Variants in TRIB1 observed in about 807,000 individuals in gnomAD.
TRIB1 encodes tribbles homolog 1.
TRIB1 carries 12 observed loss-of-function variants against 27.8 expected under a neutral mutation model. The ratio of observed to expected loss-of-function variants is 0.43; its 90% CI spans 0.28 to 0.70. The LOEUF is 0.70. TRIB1 is among the 30% of genes least tolerant of loss of function. TRIB1 has a pLI of 0.18. For synonymous variants in TRIB1, 230 were observed against 224.9 expected (o/e 1.02, Z -0.20); for missense variants, 475 against 515.8 (o/e 0.92, Z 0.77).
Position 125,437,726 on chromosome 8 carries a change from G to A in TRIB1, c.*1255G>A, listed in dbSNP as rs72647347. 4 of 152,232 alleles carry A rather than the reference G, an allele frequency of 2.6e-5. No homozygotes were observed. Among genetic ancestry groups the A allele is most frequent in the Non-Finnish European group, 5.9e-5 (4 of 68,026 alleles). The allele number at this position is 152,232 out of a possible 1,614,324, so 9.4% of individuals were successfully genotyped here. A position where few individuals can be genotyped will look rare whatever the true frequency, so the allele number is the denominator to read the frequency against. ...CCCCTCTTCAGCTTCTTTTGTAGGT[G>A]GGAATCCAGCCTCTGTTAGATATGT... On this transcript the variant is annotated 3_prime_UTR_variant, in exon 3 of 3. Coordinates refer to ENST00000311922, the MANE Select transcript of TRIB1 (RefSeq NM_025195.4).
Position 125,437,029 on chromosome 8 carries a change from G to GT in TRIB1, c.*562dup, listed in dbSNP as rs1284465565. The GT allele has an allele frequency of 6.2e-6, 1 of 161,776 alleles. No homozygotes were observed. Among genetic ancestry groups the GT allele is most frequent in the Admixed American group, 5.9e-5 (1 of 16,904 alleles). 10.0% of individuals were successfully genotyped at this position (161,776 alleles called of 1,614,324 possible). A position where few individuals can be genotyped will look rare whatever the true frequency, so the allele number is the denominator to read the frequency against. On this transcript the variant is annotated 3_prime_UTR_variant, in exon 3 of 3. Transcript: ENST00000311922. ...CTCTGCTCCGTTTTTGGAGCAGACT[G>GT]TTTTAAGTTGCTCAGGAGCCTGATG...
At chr8:125,434,501 A>C (rs1172905773) in intron 2 of TRIB1, among the ~76,000 whole-genome samples, 2 of 152,240 alleles carry the variant, frequency 1.3e-5, no homozygotes, top group Non-Finnish European at 2.9e-5. Context: ...GTCATAAAGC[A>C]TGACTTTGTA....
In TRIB1 at chr8:125,430,645, G is replaced by A. The variant is rs998886566; in HGVS notation, c.-258G>A. Reference sequence around the variant, plus strand: ...TGGCGGCCGCCCCCAGCGAGGCTCCGGGAGCCCTTGCCTGCGGGGGTCCGG... The same window carrying A: ...TGGCGGCCGCCCCCAGCGAGGCTCCAGGAGCCCTTGCCTGCGGGGGTCCGG... On this transcript the variant is annotated 5_prime_UTR_variant, in exon 1 of 3. Coordinates refer to ENST00000311922, the MANE Select transcript of TRIB1 (RefSeq NM_025195.4). The A allele has an allele frequency of 1.0e-5, 4 of 384,944 alleles. No individual in the cohort carries two copies. The highest frequency in any genetic ancestry group is 1.8e-5 in the Non-Finnish European group (4 of 218,004). The allele number at this position is 384,944 out of a possible 1,614,324, so 23.8% of individuals were successfully genotyped here.
chr8:125,430,690 C>A lies in TRIB1; in HGVS notation c.-213C>A, dbSNP rs1358511996. On this transcript the variant is annotated 5_prime_UTR_variant, in exon 1 of 3. Coordinates refer to ENST00000311922, the MANE Select transcript of TRIB1 (RefSeq NM_025195.4). ...GTCCGGGGACTCGAGCCGGCCTCCG[C>A]CTCCCGGACGCACAGCCAGCGTGGT... The A allele has an allele frequency of 1.8e-6, 1 of 555,920 alleles. No individual in the cohort carries two copies. The allele number at this position is 555,920 out of a possible 1,614,324, so 34.4% of individuals were successfully genotyped here. A position where few individuals can be genotyped will look rare whatever the true frequency, so the allele number is the denominator to read the frequency against.
chr8:125,432,132 A>T, intron 1 of TRIB1: 2 of 495,014 alleles, frequency 4.0e-6, no homozygotes, highest in Non-Finnish European at 5.2e-6. Flanking sequence ...CCCCCCAGTT[A>T]AGTCGCTTCT....
intron 2 of TRIB1, among the ~76,000 whole-genome samples, chr8:125,434,050 C>G (rs543202013): frequency 6.6e-6 from 1 of 152,210 alleles, no homozygotes; most frequent in Non-Finnish European, 1.5e-5. Flanking sequence ...GAATTCCACC[C>G]TCTTGTTTCA....
rs1814643375 is a variant in TRIB1 at position 125,430,938 on chromosome 8, C to T, written c.36C>T (p.Gly12=). The change falls in exon 1 of 3, where the codon GGC becomes GGT. Residue 12 remains glycine (G), a synonymous_variant. Transcript: ENST00000311922. ...RVGPVRSAMS[G]ASQPRGPALL... is the part of the protein sequence containing the mutation. ...GTCCGGTGCGCTCTGCCATGAGCGG[C>T]GCCTCGCAGCCCCGCGGCCCGGCCC... 1.4e-6 allele frequency: 2 copies of T among 1,469,900 alleles called. No homozygotes were observed. Among genetic ancestry groups the T allele is most frequent in the South Asian group, 1.3e-5 (1 of 76,252 alleles). The allele number at this position is 1,469,900 out of a possible 1,614,324, so 91.1% of individuals were successfully genotyped here.
Position 125,436,618 on chromosome 8 carries a change from G to A in TRIB1, c.*147G>A. ...CTCGGCATGGCGCCTCCTCTTCTCT[G>A]TTGGGATGAGTGACTTTATTGATTT... On this transcript the variant is annotated 3_prime_UTR_variant, in exon 3 of 3. Transcript: ENST00000311922. 1.4e-6 allele frequency: 1 copy of A among 722,982 alleles called. No individual in the cohort carries two copies. Among genetic ancestry groups the A allele is most frequent in the Non-Finnish European group, 2.2e-6 (1 of 444,962 alleles). The allele number at this position is 722,982 out of a possible 1,614,324, so 44.8% of individuals were successfully genotyped here.
rs1563823407 is a variant in TRIB1, at chr8:125,431,044, C to T, written c.142C>T (p.Pro48Ser). The change falls in exon 1 of 3, where the codon CCG becomes TCG. Residue 48 changes from proline (P) to serine (S), a missense_variant. Physicochemically the swap from Pro to Ser is moderately conservative, Grantham distance 74. Transcript: ENST00000311922. ...CGCGGCGGCTGTGGCGGCCAAGTGCCCGCGCCTCTCCGAGTGCTCCAGCCC... is the reference window on the plus strand; with the variant it reads ...CGCGGCGGCTGTGGCGGCCAAGTGCTCGCGCCTCTCCGAGTGCTCCAGCCC... ...DDAAAVAAKC[P>S]RLSECSSPPD... 7 of 1,455,226 alleles carry T rather than the reference C, an allele frequency of 4.8e-6. No homozygotes were observed. The highest frequency in any genetic ancestry group is 1.5e-5 in the African/African-American group (1 of 67,664). 90.1% of individuals were successfully genotyped at this position (1,455,226 alleles called of 1,614,324 possible). A position where few individuals can be genotyped will look rare whatever the true frequency, so the allele number is the denominator to read the frequency against.
Position 125,431,036 on chromosome 8 carries a change from C to T in TRIB1, c.134C>T (p.Ala45Val). The T allele has an allele frequency of 2.1e-6, 3 of 1,458,116 alleles. No homozygotes were observed. The highest frequency in any genetic ancestry group is 1.3e-5 in the South Asian group (1 of 75,164). 90.3% of individuals were successfully genotyped at this position (1,458,116 alleles called of 1,614,324 possible). The change falls in exon 1 of 3, where the codon GCC becomes GTC. Residue 45 changes from alanine (A) to valine (V), a missense_variant. Physicochemically the swap from Ala to Val is moderately conservative, Grantham distance 64. Coordinates refer to ENST00000311922, the MANE Select transcript of TRIB1 (RefSeq NM_025195.4). ...LDADDAAAVA[A>V]KCPRLSECSS... is the part of the protein sequence containing the mutation. ...GCCGACGACGCGGCGGCTGTGGCGG[C>T]CAAGTGCCCGCGCCTCTCCGAGTGC... is the stretch of plus-strand genomic sequence containing the variant.
Position 125,435,988 on chromosome 8 carries a change from G to C in TRIB1, c.654-18G>C, listed in dbSNP as rs188401831. 4 of 1,579,310 alleles carry C rather than the reference G, an allele frequency of 2.5e-6. No individual in the cohort carries two copies. In the South Asian group the frequency reaches 4.6e-5, roughly 18 times the overall value. The stretch of plus-strand genomic sequence containing the variant: ...GCAGCTGGTGTGGAAATAATGGCTT[G>C]GTTCCTCTCTCTTGCAGAACCCAGC... On this transcript the variant is annotated intron_variant, in intron 2 of 2. Transcript: ENST00000311922.
In TRIB1 at chr8:125,438,094, GTGTC is replaced by G. The variant is rs1406205627; in HGVS notation, c.*1630_*1633del. The G allele has an allele frequency of 6.5e-6, 1 of 152,706 alleles. No homozygotes were observed. The highest frequency in any genetic ancestry group is 1.5e-5 in the Non-Finnish European group (1 of 68,026). 9.5% of individuals were successfully genotyped at this position (152,706 alleles called of 1,614,324 possible). On this transcript the variant is annotated 3_prime_UTR_variant, in exon 3 of 3. Transcript: ENST00000311922. ...GGCTTTGAGGCTTGTTTTGTTGTCT[GTGTC>G]TGTCTGAATAACCTGCGTGTCTAAA...
rs1430811898 is a variant in TRIB1 at position 125,438,051 on chromosome 8, TTTG to T, written c.*1583_*1585del. ...CTTTTATACCTATGTTCGATTTTGTTTTGTTTTGTTTTGTTCTGGCTTTGAGGC... is the reference window on the plus strand; with the variant it reads ...CTTTTATACCTATGTTCGATTTTGTTTTTTGTTTTGTTCTGGCTTTGAGGC... On this transcript the variant is annotated 3_prime_UTR_variant, in exon 3 of 3. Transcript: ENST00000311922. 3 of 152,750 alleles carry T rather than the reference TTTG, an allele frequency of 2.0e-5. No homozygotes were observed. Among genetic ancestry groups the T allele is most frequent in the African/African-American group, 7.2e-5 (3 of 41,440 alleles). 9.5% of individuals were successfully genotyped at this position (152,750 alleles called of 1,614,324 possible).
At position 125,433,411 on chromosome 8, in the gene TRIB1, G is replaced by A; in HGVS notation, c.455G>A (p.Gly152Glu). The change falls in exon 2 of 3, where the codon GGG (glycine) becomes GAG (glutamate). Residue 152 changes from glycine (G) to glutamate (E), a missense_variant. By Grantham distance (98) the Gly-to-Glu change is moderately conservative (BLOSUM62 -2). Transcript: ENST00000311922. This position sits in a 1 kb window ranked among gnomAD's most constrained non-coding sequence, Gnocchi z 4.4. ...NITGIVEVIL[G>E]ETKAYVFFEK... is the part of the protein sequence containing the mutation. The stretch of plus-strand genomic sequence containing the variant: ...ACTGGCATTGTGGAAGTGATCCTTG[G>A]GGAAACCAAGGCCTATGTCTTCTTT... 1 of 1,614,224 alleles carries A rather than the reference G, an allele frequency of 6.2e-7. No individual in the cohort carries two copies. Among genetic ancestry groups the A allele is most frequent in the Non-Finnish European group, 8.5e-7 (1 of 1,180,046 alleles).
In TRIB1 at chr8:125,430,666, T is replaced by G. The variant is rs999742252; in HGVS notation, c.-237T>G. ...CTCCGGGAGCCCTTGCCTGCGGGGG[T>G]CCGGGGACTCGAGCCGGCCTCCGCC... On this transcript the variant is annotated 5_prime_UTR_variant, in exon 1 of 3. Transcript: ENST00000311922. 1.9e-5 allele frequency: 8 copies of G among 415,284 alleles called. No homozygotes were observed. The highest frequency in any genetic ancestry group is 3.3e-5 in the Non-Finnish European group (8 of 244,558). The allele number at this position is 415,284 out of a possible 1,614,324, so 25.7% of individuals were successfully genotyped here.
At chr8:125,432,704 C>T (rs140614165) in intron 1 of TRIB1, among the ~76,000 whole-genome samples, 66 of 152,156 alleles carry the variant, frequency 4.3e-4, no homozygotes, top group African/African-American at 1.6e-3. Flanking sequence ...CTCAAGGCTG[C>T]TTACACTTGA....
chr8:125,433,376 C>T lies in TRIB1; in HGVS notation c.420C>T (p.His140=). 6.2e-7 allele frequency: 1 copy of T among 1,614,210 alleles called. No individual in the cohort carries two copies. The highest frequency in any genetic ancestry group is 1.1e-5 in the South Asian group (1 of 91,090). Residue 140 remains histidine, a synonymous_variant, in exon 2 of 3, where the codon CAC becomes CAT. Coordinates refer to ENST00000311922, the MANE Select transcript of TRIB1 (RefSeq NM_025195.4). This position sits in a 1 kb window ranked among gnomAD's most constrained non-coding sequence, Gnocchi z 4.4. The part of the protein sequence containing the change: ...KIRPYIQLPS[H]SNITGIVEVI... ...GGCCTTACATCCAGCTGCCATCGCA[C>T]AGCAACATTACTGGCATTGTGGAAG...
Position 125,435,972 on chromosome 8 carries a change from G to A in TRIB1, c.654-34G>A, listed in dbSNP as rs1814740503. On this transcript the variant is annotated intron_variant, in intron 2 of 2. Transcript: ENST00000311922. Reference sequence around the variant, plus strand: ...GGCTTTGTTTTTCATAGCAGCTGGTGTGGAAATAATGGCTTGGTTCCTCTC... The same window carrying A: ...GGCTTTGTTTTTCATAGCAGCTGGTATGGAAATAATGGCTTGGTTCCTCTC... The A allele has an allele frequency of 2.5e-6, 4 of 1,575,010 alleles. No homozygotes were observed. In the Admixed American group the frequency reaches 5.3e-5, roughly 21 times the overall value.
Position 125,433,295 on chromosome 8 carries a change from C to CCCCCCAAAT in TRIB1, c.361-22_361-21insCCCCCAAAT, listed in dbSNP as rs541271528. On this transcript the variant is annotated intron_variant, in intron 1 of 2. Coordinates refer to ENST00000311922, the MANE Select transcript of TRIB1 (RefSeq NM_025195.4). The surrounding 1 kb of genome is among the most constrained non-coding windows in gnomAD (Gnocchi z 4.4). The stretch of plus-strand genomic sequence containing the variant: ...GCCTTTGCTTTTCTAGCCCCCTAAA[C>CCCCCCAAAT]GGGCCCCCCTTCTCTCTACAGGTGT... 307 of 1,599,832 alleles carry CCCCCCAAAT rather than the reference C, an allele frequency of 1.9e-4. No individual in the cohort carries two copies. The African/African-American group carries it at 3.6e-3, about 19-fold the overall frequency.
Sources: allele counts gnomAD v4.1 joint callset (sites outside exome capture counted in the v4.1 genomes callset), GRCh38; gene constraint gnomAD v4.1.1; non-coding constraint Gnocchi (gnomAD v3.1); transcripts MANE v1.5; gene names NCBI Gene and HGNC (gene_info 2026-07-23, HGNC 2026-07-21).